NCOA2: variants seen among roughly 807,000 people sequenced by gnomAD.
NCOA2 encodes the protein nuclear receptor coactivator 2, also known as class E basic helix-loop-helix protein 75.
Under a neutral mutation model 145.1 loss-of-function variants are expected in NCOA2, and 21 were observed. That is an observed-to-expected ratio of 0.14 (90% CI 0.10 to 0.21). The LOEUF is 0.21. Among genes scored for constraint, NCOA2 ranks in the 10% least tolerant of loss-of-function variants. NCOA2 has a pLI of 1.00. For synonymous variants in NCOA2, 619 were observed against 637.5 expected (o/e 0.97, Z 0.44); for missense variants, 1,472 against 1,837.6 (o/e 0.80, Z 3.64).
At chr8:70,194,446 A>T (rs1485025782) in intron 4 of NCOA2, among the ~76,000 whole-genome samples, 1 of 152,182 alleles carries the variant, frequency 6.6e-6, no homozygotes, top group African/African-American at 2.4e-5. Flanking sequence ...AGAACACCTT[A>T]ACAAGGCCAG....
chr8:70,148,437 T>C lies in NCOA2; in HGVS notation c.2441A>G (p.Gln814Arg). Reference sequence around the variant, plus strand: ...GAAAAGCTGTGGTAATTGACTATTCTGCAAATCATCCAAAATCTCCTCCAA... The same window carrying C: ...GAAAAGCTGTGGTAATTGACTATTCCGCAAATCATCCAAAATCTCCTCCAA... ...DNLEEILDDL[Q>R]NSQLPQLFPD... The change falls in exon 12 of 23, where the codon CAG becomes CGG. Residue 814 changes from glutamine to arginine, a missense_variant. By Grantham distance (43) the Gln-to-Arg change is conservative (BLOSUM62 1). Around this residue, in one of 4 missense-constraint regions of NCOA2, gnomAD observed 953 missense variants for 1,062.1 expected, o/e 0.90. Coordinates refer to ENST00000452400, the MANE Select transcript of NCOA2 (RefSeq NM_006540.4). 5 of 1,613,784 alleles carry C rather than the reference T, an allele frequency of 3.1e-6. No homozygotes were observed. The highest frequency in any genetic ancestry group is 4.2e-6 in the Non-Finnish European group (5 of 1,179,894).
chr8:70,429,039 C>A, the NCOA2 span, among the ~76,000 whole-genome samples: 1 of 152,172 alleles, frequency 6.6e-6, no homozygotes, highest in East Asian at 1.9e-4. Context: ...AAAACCTTCA[C>A]AAATTTCAAA....
intron 22 of NCOA2, among the ~76,000 whole-genome samples, chr8:70,116,486 G>A (rs1807145030): frequency 1.3e-5 from 2 of 152,058 alleles, no homozygotes; most frequent in Admixed American, 1.3e-4. Context: ...GGGAGACAGA[G>A]GCTGCAGTGA....
At chr8:70,454,192 C>T in the NCOA2 span, among the ~76,000 whole-genome samples, 1 of 152,150 alleles carries the variant, frequency 6.6e-6, no homozygotes, top group South Asian at 2.1e-4. Flanking sequence ...CAGAATTTGA[C>T]CTATAATACA....
chr8:70,352,042 A>G (rs1349221184), intron 1 of NCOA2, among the ~76,000 whole-genome samples: 1 of 152,138 alleles, frequency 6.6e-6, no homozygotes, highest in East Asian at 1.9e-4. Context: ...AAAGGTCACA[A>G]GGAATTTCTA....
intron 1 of NCOA2, among the ~76,000 whole-genome samples, chr8:70,349,021 G>A (rs1479826464): frequency 6.6e-6 from 1 of 150,524 alleles, no homozygotes; most frequent in Non-Finnish European, 1.5e-5. Context: ...GGGGATGGGA[G>A]GGAAAAGGGG....
intron 2 of NCOA2, among the ~76,000 whole-genome samples, chr8:70,253,000 G>A (rs1010061571): frequency 4.6e-5 from 7 of 152,198 alleles, no homozygotes; most frequent in Non-Finnish European, 1.0e-4. Flanking sequence ...AACTTCAAGT[G>A]TACTGTTAAA....
intron 1 of NCOA2, among the ~76,000 whole-genome samples, chr8:70,397,127 T>C (rs952596782): frequency 1.3e-5 from 2 of 152,182 alleles, no homozygotes; most frequent in African/African-American, 2.4e-5. Context: ...ATCATTTATG[T>C]TATCATTGTT....
chr8:70,320,112 A>G (rs1382448130), intron 1 of NCOA2, among the ~76,000 whole-genome samples: 1 of 152,182 alleles, frequency 6.6e-6, no homozygotes, highest in African/African-American at 2.4e-5. Flanking sequence ...GAAATCTTAA[A>G]TAGATATTCA....
At chr8:70,192,564 C>T (rs1816806411) in intron 4 of NCOA2, among the ~76,000 whole-genome samples, 1 of 152,162 alleles carries the variant, frequency 6.6e-6, no homozygotes, top group Non-Finnish European at 1.5e-5. Flanking sequence ...GCAGTGGAGG[C>T]CTGCAAAGGG....
chr8:70,224,892 C>G (rs995748417), intron 2 of NCOA2, among the ~76,000 whole-genome samples: 1 of 151,890 alleles, frequency 6.6e-6, no homozygotes, highest in African/African-American at 2.4e-5. Flanking sequence ...CATGGCTAGG[C>G]GCAGAGTGCC....
In NCOA2 at chr8:70,132,095, T is replaced by C. The variant is rs558136220; in HGVS notation, c.3159-93A>G. Reference sequence around the variant, plus strand: ...CTCAAAGGTGAAAGTATCAATTGACTTCCAGGGTTGTTGCAACAAACTACT... The same window carrying C: ...CTCAAAGGTGAAAGTATCAATTGACCTCCAGGGTTGTTGCAACAAACTACT... On this transcript the variant is annotated intron_variant, in intron 15 of 22. Transcript: ENST00000452400. The C allele has an allele frequency of 4.6e-5, 61 of 1,333,308 alleles. No individual in the cohort carries two copies. In the African/African-American group the frequency reaches 8.5e-4, roughly 18 times the overall value. The allele number at this position is 1,333,308 out of a possible 1,614,324, so 82.6% of individuals were successfully genotyped here. A position where few individuals can be genotyped will look rare whatever the true frequency, so the allele number is the denominator to read the frequency against.
At chr8:70,215,397 C>T (rs556389621) in intron 3 of NCOA2, among the ~76,000 whole-genome samples, 1 of 152,308 alleles carries the variant, frequency 6.6e-6, no homozygotes, top group South Asian at 2.1e-4. Flanking sequence ...ACTGCCTCCC[C>T]AGGTAGGGCT....
intron 14 of NCOA2, among the ~76,000 whole-genome samples, chr8:70,140,812 G>C (rs917369574): frequency 2.0e-5 from 3 of 151,912 alleles, no homozygotes; most frequent in African/African-American, 7.3e-5. Context: ...GGCCAGGCTG[G>C]TCTCGAACTC....
At chr8:70,347,353 C>T (rs1236298809) in intron 1 of NCOA2, among the ~76,000 whole-genome samples, 5 of 151,882 alleles carry the variant, frequency 3.3e-5, no homozygotes, top group East Asian at 3.9e-4. Context: ...GGCTTGGTGG[C>T]GGGTGCCTAT....
At chr8:70,363,633 C>G (rs1012895336) in intron 1 of NCOA2, among the ~76,000 whole-genome samples, 1 of 152,058 alleles carries the variant, frequency 6.6e-6, no homozygotes, top group African/African-American at 2.4e-5. Flanking sequence ...CTCATACACC[C>G]AACAGCCAGA....
intron 2 of NCOA2, among the ~76,000 whole-genome samples, chr8:70,290,697 T>C (rs1314360025): frequency 1.3e-5 from 2 of 151,918 alleles, no homozygotes; most frequent in African/African-American, 4.8e-5. Context: ...AGAATCACAG[T>C]AAAATAAAAA....
At chr8:70,393,964 G>GT (rs1405757031) in intron 1 of NCOA2, among the ~76,000 whole-genome samples, 1 of 151,936 alleles carries the variant, frequency 6.6e-6, no homozygotes, top group African/African-American at 2.4e-5. Context: ...TCATTTTTTG[G>GT]TATTACATGT....
At chr8:70,294,089 C>T (rs776754564) in intron 2 of NCOA2, among the ~76,000 whole-genome samples, 15 of 152,074 alleles carry the variant, frequency 9.9e-5, no homozygotes, top group Non-Finnish European at 1.5e-4. Flanking sequence ...TATATTTTTA[C>T]ATAGTATGTC....
Sources: allele counts gnomAD v4.1 joint callset (sites outside exome capture counted in the v4.1 genomes callset), GRCh38; gene constraint gnomAD v4.1.1; regional missense constraint gnomAD v4.1.1; transcripts MANE v1.5; gene names NCBI Gene and HGNC (gene_info 2026-07-23, HGNC 2026-07-21).